C3orf20: variants seen among roughly 807,000 people sequenced by gnomAD.
The protein encoded by C3orf20 is uncharacterized protein C3orf20.
A neutral mutation model predicts 88.3 loss-of-function variants in C3orf20; 76 were observed. The observed-to-expected ratio is 0.86, with a 90% CI of 0.72 to 1.04. C3orf20 has a LOEUF of 1.04. Among genes scored for constraint, C3orf20 ranks in the 50% least tolerant of loss-of-function variants. The pLI is 0.00. For missense variants in C3orf20, 1,056 were observed against 1,123.3 expected, an observed-to-expected ratio of 0.94 and a Z score of 0.86; for synonymous variants, 436 against 437.4, an observed-to-expected ratio of 1.00 and a Z score of 0.04.
chr3:14,729,661 C>T (rs1017596362), intron 12 of C3orf20, among the ~76,000 whole-genome samples: 3 of 152,196 alleles, frequency 2.0e-5, no homozygotes, highest in African/African-American at 7.2e-5. Context: ...ATTCTCCTGC[C>T]TCAGCTTCCC....
chr3:14,714,136 T>C lies in C3orf20; in HGVS notation c.1290T>C (p.Cys430=). 6.2e-7 allele frequency: 1 copy of C among 1,613,998 alleles called. No homozygotes were observed. Among genetic ancestry groups the C allele is most frequent in the East Asian group, 2.2e-5 (1 of 44,878 alleles). Residue 430 remains cysteine, a synonymous_variant, in exon 8 of 17, where the codon TGT becomes TGC. Coordinates refer to ENST00000253697, the MANE Select transcript of C3orf20 (RefSeq NM_032137.5). Reference sequence around the variant, plus strand: ...TATTCAATACTGAAGGCCAGGGCTGTGTTCACTACAACCTAAAAACCAGGT... The same window carrying C: ...TATTCAATACTGAAGGCCAGGGCTGCGTTCACTACAACCTAAAAACCAGGT... ...LALFNTEGQG[C]VHYNLKTSCP...
chr3:14,675,292 A>C (rs1459095985), intron 1 of C3orf20, 40 bp downstream of exon 1: 10 of 152,242 alleles, frequency 6.6e-5, no homozygotes, highest in African/African-American at 2.4e-4. Context: ...TGACCCACTG[A>C]AAAAATGAGA....
At chr3:14,767,358 A>C (rs2035742419) in intron 15 of C3orf20, 1 of 152,212 alleles carries the variant, frequency 6.6e-6, no homozygotes, top group African/African-American at 2.4e-5. Flanking sequence ...CCGGGCCCTG[A>C]GTGCCCATAT....
chr3:14,736,148 A>C (rs1018432003), intron 12 of C3orf20, among the ~76,000 whole-genome samples: 7 of 152,204 alleles, frequency 4.6e-5, no homozygotes, highest in Admixed American at 2.6e-4. Flanking sequence ...TTTTCACATT[A>C]ACTAGTATTA....
intron 12 of C3orf20, among the ~76,000 whole-genome samples, chr3:14,752,641 G>GA (rs1448062297): frequency 1.3e-5 from 2 of 151,898 alleles, no homozygotes; most frequent in South Asian, 2.1e-4. Context: ...AAATTTACAA[G>GA]AAAAAAACAA....
intron 7 of C3orf20, among the ~76,000 whole-genome samples, chr3:14,712,180 GCGCACACA>G (rs59010962): frequency 0.48 from 52,464 of 108,438 alleles, 9,948 homozygotes; most frequent in Non-Finnish European, 0.57. Context: ...ACACGCGCGC[GCGCACACA>G]CACACACACA....
intron 1 of C3orf20, among the ~76,000 whole-genome samples, chr3:14,677,764 G>C (rs2031855894): frequency 6.6e-6 from 1 of 152,136 alleles, no homozygotes; most frequent in Non-Finnish European, 1.5e-5. Context: ...GCCTCCCAAA[G>C]TGCTGGGATT....
At chr3:14,754,376 C>T (rs924589326) in intron 12 of C3orf20, among the ~76,000 whole-genome samples, 2 of 152,210 alleles carry the variant, frequency 1.3e-5, no homozygotes, top group Admixed American at 1.3e-4. Flanking sequence ...TCCTTGAGAA[C>T]AAGGTTCATA....
intron 12 of C3orf20, among the ~76,000 whole-genome samples, chr3:14,739,979 G>T (rs540542040): frequency 6.6e-6 from 1 of 152,302 alleles, no homozygotes; most frequent in Non-Finnish European, 1.5e-5. Flanking sequence ...TTTCTATGCA[G>T]ACCACTAAAA....
chr3:14,684,425 A>G (rs554481358), intron 4 of C3orf20, 43 bp downstream of exon 4: 4 of 1,595,496 alleles, frequency 2.5e-6, no homozygotes, highest in African/African-American at 2.7e-5. Flanking sequence ...AGTGCAAACA[A>G]TATCAGCAGG....
rs544817881 is a variant in C3orf20 at position 14,743,030 on chromosome 3, C to G, written c.1941-14341C>G. 6.3e-4 allele frequency among the ~76,000 whole-genome samples: 95 copies of G among 151,974 alleles called. 1 individual carries two copies. Among genetic ancestry groups the G allele is most frequent in the African/African-American group, 2.1e-3 (86 of 41,312 alleles). ...AATTCCACCCGTGGCCCCCCTAAAT[C>G]TCATGTCCTCACATTTCAAAATTAA... On this transcript the variant is annotated intron_variant, in intron 12 of 16. Transcript: ENST00000253697.
At chr3:14,757,708 C>CCAGGGG (rs2035421046) in intron 13 of C3orf20, 34 bp downstream of exon 13, 2 of 1,586,286 alleles carry the variant, frequency 1.3e-6, no homozygotes, top group Middle Eastern at 1.7e-4. Context: ...GCCCTGGAGG[C>CCAGGGG]CAGGGGCAGG....
chr3:14,690,236 A>C (rs961790857), intron 5 of C3orf20, 120 bp downstream of exon 5: 3 of 1,368,916 alleles, frequency 2.2e-6, no homozygotes, highest in African/African-American at 2.9e-5. Context: ...GATTAGAAGG[A>C]TACATAGCGG....
intron 3 of C3orf20, among the ~76,000 whole-genome samples, chr3:14,684,011 G>A (rs2032259126): frequency 6.6e-6 from 1 of 152,064 alleles, no homozygotes; most frequent in African/African-American, 2.4e-5. Flanking sequence ...AATAGCATCG[G>A]TACCCAGGCC....
chr3:14,735,418 A>G (rs769391730), intron 12 of C3orf20, among the ~76,000 whole-genome samples: 16 of 152,120 alleles, frequency 1.1e-4, no homozygotes, highest in Non-Finnish European at 1.8e-4. Flanking sequence ...TCCAGAGACT[A>G]TAACACAAAT....
At chr3:14,769,437 C>T (rs2035802435) in intron 15 of C3orf20, among the ~76,000 whole-genome samples, 1 of 151,858 alleles carries the variant, frequency 6.6e-6, no homozygotes, top group African/African-American at 2.4e-5. Context: ...GGCCATGTAT[C>T]TGTAACATGC....
intron 12 of C3orf20, among the ~76,000 whole-genome samples, chr3:14,729,158 T>TATTC (rs1411280170): frequency 7.2e-5 from 11 of 152,304 alleles, no homozygotes; most frequent in African/African-American, 2.4e-4. Context: ...AAGTCTCAGG[T>TATTC]ATTCACTACC....
chr3:14,750,331 C>T (rs1259783864), intron 12 of C3orf20, among the ~76,000 whole-genome samples: 6 of 152,166 alleles, frequency 3.9e-5, no homozygotes, highest in Non-Finnish European at 8.8e-5. Flanking sequence ...AGGCAGATCT[C>T]TTGAGTCCAG....
intron 9 of C3orf20, among the ~76,000 whole-genome samples, chr3:14,717,500 T>C (rs1434929692): frequency 6.6e-6 from 1 of 152,154 alleles, no homozygotes; most frequent in Non-Finnish European, 1.5e-5. Flanking sequence ...GTGGCATTTT[T>C]AAGAGGTCAC....
Sources: allele counts gnomAD v4.1 joint callset (sites outside exome capture counted in the v4.1 genomes callset), GRCh38; gene constraint gnomAD v4.1.1; transcripts MANE v1.5; gene names NCBI Gene and HGNC (gene_info 2026-07-23, HGNC 2026-07-21).